Variants in AKAP9 observed in about 807,000 individuals in gnomAD.
AKAP9 encodes A-kinase anchor protein 9.
Under a neutral mutation model 488.5 loss-of-function variants are expected in AKAP9, and 311 were observed. The ratio of observed to expected loss-of-function variants is 0.64; its 90% CI spans 0.58 to 0.70. The LOEUF (loss-of-function observed/expected upper bound fraction) is 0.70, where lower values mean the gene tolerates loss of function less well. Ranked by LOEUF, AKAP9 falls within the 30% of genes least tolerant of loss-of-function variation. AKAP9 has a pLI of 0.00. For missense variants in AKAP9, 4,215 were observed against 4,374.5 expected (o/e 0.96, Z 1.03); for synonymous variants, 1,462 against 1,483.5 (o/e 0.99, Z 0.33).
At chr7:92,026,678 G>T (rs1334106255) in intron 14 of AKAP9, among the ~76,000 whole-genome samples, 1 of 152,306 alleles carries the variant, frequency 6.6e-6, no homozygotes, top group Admixed American at 6.5e-5. Flanking sequence ...ATCTCAGCTC[G>T]CTACAACCTC....
At chr7:92,012,769 T>A in intron 9 of AKAP9, 127 bp downstream of exon 9, 1 of 744,246 alleles carries the variant, frequency 1.3e-6, no homozygotes, top group East Asian at 2.7e-5. Flanking sequence ...GTTGTTGATA[T>A]AATCACTAGA....
intron 21 of AKAP9, among the ~76,000 whole-genome samples, chr7:92,045,830 C>CTTTTTTTTTTTT (rs35346628): frequency 9.2e-6 from 1 of 108,912 alleles, no homozygotes; most frequent in Non-Finnish European, 1.9e-5. Flanking sequence ...CTTTCCGTTT[C>CTTTTTTTTTTTT]TTTTTTTTTT....
intron 37 of AKAP9, among the ~76,000 whole-genome samples, chr7:92,087,643 T>C (rs931201938): frequency 6.6e-6 from 1 of 151,904 alleles, no homozygotes; most frequent in Non-Finnish European, 1.5e-5. Context: ...CTTGTAGAAC[T>C]GATGATTCTA....
chr7:91,977,847 A>G (rs1308784217), intron 2 of AKAP9, among the ~76,000 whole-genome samples: 1 of 152,236 alleles, frequency 6.6e-6, no homozygotes, highest in Non-Finnish European at 1.5e-5. Context: ...GAATGCAACA[A>G]CTGTCTTATT....
chr7:92,066,680 A>AC, intron 26 of AKAP9, 134 bp downstream of exon 26: 7 of 1,155,760 alleles, frequency 6.1e-6, no homozygotes, highest in Non-Finnish European at 8.8e-6. Flanking sequence ...ACTTAATATT[A>AC]CTTAAGCATG....
At chr7:92,012,708 A>G (rs369350422) in intron 9 of AKAP9, 66 bp downstream of exon 9, 5 of 1,371,980 alleles carry the variant, frequency 3.6e-6, no homozygotes, top group Non-Finnish European at 5.1e-6. Flanking sequence ...CCACCATTCT[A>G]TAATTTTTTC....
chr7:92,082,460 G>A lies in AKAP9; in HGVS notation c.8020-62G>A, dbSNP rs1384172977. ...GATGGTTTTATTAGAATGTATAAGA[G>A]CCTTGAATTTAGCTATATTTTTTTT... On this transcript the variant is annotated intron_variant, in intron 31 of 49. Coordinates refer to ENST00000356239, the MANE Select transcript of AKAP9 (RefSeq NM_005751.5). 24 of 1,554,674 alleles carry A rather than the reference G, an allele frequency of 1.5e-5. No homozygotes were observed. In the East Asian group the frequency reaches 3.6e-4, roughly 23 times the overall value.
intron 3 of AKAP9, among the ~76,000 whole-genome samples, chr7:91,984,095 G>C (rs183637362): frequency 0.011 from 1,605 of 152,286 alleles, 25 homozygotes; most frequent in African/African-American, 0.037. Flanking sequence ...TTTTCACTCT[G>C]ATGGTAGTTT....
At chr7:91,981,648 T>C (rs6976122) in intron 3 of AKAP9, among the ~76,000 whole-genome samples, 60,226 of 146,328 alleles carry the variant, frequency 0.41, 12,910 homozygotes, top group African/African-American at 0.51. Context: ...CTCACTCTGT[T>C]GCCCAGACTG....
At chr7:92,087,327 A>G (rs1329605041) in intron 37 of AKAP9, among the ~76,000 whole-genome samples, 2 of 152,240 alleles carry the variant, frequency 1.3e-5, no homozygotes, top group African/African-American at 4.8e-5. Flanking sequence ...TTTCTGGAGA[A>G]TTGGTTAAGC....
At chr7:91,950,227 C>CTTTTT (rs1363169233) in intron 1 of AKAP9, among the ~76,000 whole-genome samples, 2 of 133,382 alleles carry the variant, frequency 1.5e-5, no homozygotes, top group East Asian at 2.1e-4. Context: ...CAGGGTCTCA[C>CTTTTT]TTTTTTTTTT....
In AKAP9 at chr7:91,946,395, C is replaced by CTT. The variant is rs11443810; in HGVS notation, c.48+5260_48+5261dup. On this transcript the variant is annotated intron_variant, in intron 1 of 49. Transcript: ENST00000356239. ...TTAAAACTAATTCATAACCTTCAGG[C>CTT]TTTTTTTTTTTTTGAGACGAGATCT... Among the ~76,000 whole-genome samples the CTT allele has an allele frequency of 1.1e-3, 158 of 145,396 alleles. 1 individual carries two copies. The highest frequency in any genetic ancestry group is 1.5e-3 in the South Asian group (7 of 4,608).
chr7:92,077,079 A>T, intron 29 of AKAP9, 72 bp downstream of exon 29: 16 of 408,472 alleles, frequency 3.9e-5, no homozygotes, highest in Non-Finnish European at 5.8e-5. Flanking sequence ...TATTATTATT[A>T]TTATTATTAT....
At chr7:91,954,644 G>A (rs185113034) in intron 1 of AKAP9, among the ~76,000 whole-genome samples, 39 of 152,350 alleles carry the variant, frequency 2.6e-4, no homozygotes, top group Non-Finnish European at 3.2e-4. Flanking sequence ...TACTCATAGA[G>A]TAATCATCTA....
At chr7:92,096,416 C>A (rs1330222595) in intron 40 of AKAP9, among the ~76,000 whole-genome samples, 1 of 149,984 alleles carries the variant, frequency 6.7e-6, no homozygotes, top group African/African-American at 2.5e-5. Flanking sequence ...CTCACTGCAA[C>A]CTCCACCTCC....
In AKAP9 at chr7:91,940,968, G is replaced by T; in HGVS notation, c.-132G>T. 2.1e-6 allele frequency: 2 copies of T among 943,560 alleles called. No individual in the cohort carries two copies. Among genetic ancestry groups the T allele is most frequent in the South Asian group, 1.3e-5 (1 of 75,298 alleles). The allele number at this position is 943,560 out of a possible 1,614,324, so 58.4% of individuals were successfully genotyped here. On this transcript the variant is annotated 5_prime_UTR_variant, in exon 1 of 50. Coordinates refer to ENST00000356239, the MANE Select transcript of AKAP9 (RefSeq NM_005751.5). ...CGCGGAGACTGCTTCCACTTCGGGC[G>T]GGGGAGCGCCGGACCGAATCGGCTC...
chr7:92,061,629 A>C (rs1219233154), intron 23 of AKAP9, among the ~76,000 whole-genome samples: 1 of 117,806 alleles, frequency 8.5e-6, no homozygotes, highest in African/African-American at 3.4e-5. Flanking sequence ...TAAAATTATA[A>C]AAAGAATTTA....
chr7:92,107,045 A>C (rs1787073584), intron 47 of AKAP9, among the ~76,000 whole-genome samples: 1 of 152,236 alleles, frequency 6.6e-6, no homozygotes, highest in South Asian at 2.1e-4. Flanking sequence ...CCAATTAAAT[A>C]ATTTTCTTTG....
intron 1 of AKAP9, among the ~76,000 whole-genome samples, chr7:91,966,352 A>G (rs753213105): frequency 2.6e-5 from 4 of 151,754 alleles, no homozygotes; most frequent in Admixed American, 6.6e-5. Context: ...ATCCATTTTG[A>G]TGTGATTTTT....
Sources: gnomAD v4.1 joint callset for allele counts (sites outside exome capture counted in the v4.1 genomes callset) on GRCh38, gnomAD v4.1.1 for gene constraint, MANE v1.5 for transcripts, NCBI Gene and HGNC (gene_info 2026-07-23, HGNC 2026-07-21) for gene names.